The following LRRC8C variants were observed in gnomAD, a reference collection of about 807,000 sequenced individuals.
LRRC8C encodes leucine rich repeat containing 8 VRAC subunit C.
A neutral mutation model predicts 55.3 loss-of-function variants in LRRC8C; 20 were observed. That is an observed-to-expected ratio of 0.36 (90% CI 0.25 to 0.53). The LOEUF (loss-of-function observed/expected upper bound fraction) is 0.53, where lower values mean the gene tolerates loss of function less well. Ranked by LOEUF, LRRC8C falls within the 20% of genes least tolerant of loss-of-function variation. The pLI is 0.92. For missense variants in LRRC8C, 659 were observed against 951.4 expected (o/e 0.69, Z 4.04); for synonymous variants, 376 against 360.7 (o/e 1.04, Z -0.48).
chr1:89,686,621 T>C lies in LRRC8C; in HGVS notation c.138+10T>C, dbSNP rs757389941. Reference sequence around the variant, plus strand: ...TGGATGTACTTTACAGGTAGGTGCCTAGATCCCTGGCAAAATGGGGGCCAG... The same window carrying C: ...TGGATGTACTTTACAGGTAGGTGCCCAGATCCCTGGCAAAATGGGGGCCAG... On this transcript the variant is annotated intron_variant, in intron 2 of 2. Transcript: ENST00000370454. 8.1e-6 allele frequency: 13 copies of C among 1,613,598 alleles called. No individual in the cohort carries two copies. Among genetic ancestry groups the C allele is most frequent in the Non-Finnish European group, 1.0e-5 (12 of 1,179,872 alleles).
At chr1:89,671,079 G>T (rs1006684465) in intron 1 of LRRC8C, among the ~76,000 whole-genome samples, 5 of 151,956 alleles carry the variant, frequency 3.3e-5, no homozygotes, top group Non-Finnish European at 7.4e-5. Flanking sequence ...TTGAGATGGG[G>T]TCTGGCTCTG....
intron 1 of LRRC8C, among the ~76,000 whole-genome samples, chr1:89,676,941 A>G (rs1279498718): frequency 2.0e-5 from 3 of 152,320 alleles, no homozygotes; most frequent in Non-Finnish European, 4.4e-5. Context: ...AAAGTGAATT[A>G]TGCTTGTGAG....
In LRRC8C at chr1:89,678,474, G is replaced by A. The variant is rs544358297; in HGVS notation, c.-4-7996G>A. On this transcript the variant is annotated intron_variant, in intron 1 of 2. Coordinates refer to ENST00000370454, the MANE Select transcript of LRRC8C (RefSeq NM_032270.5). Reference sequence around the variant, plus strand: ...CCAGTACTTTGGGAGGCCAAGGCCGGTGGATCACCTGAGGTCAGGAGTTCA... The same window carrying A: ...CCAGTACTTTGGGAGGCCAAGGCCGATGGATCACCTGAGGTCAGGAGTTCA... Among the ~76,000 whole-genome samples the A allele has an allele frequency of 1.4e-3, 216 of 152,348 alleles. 2 individuals are homozygous for A. The highest frequency in any genetic ancestry group is 6.8e-3 in the Middle Eastern group (2 of 294).
intron 1 of LRRC8C, among the ~76,000 whole-genome samples, chr1:89,677,188 C>T (rs1196767680): frequency 2.0e-5 from 3 of 152,026 alleles, no homozygotes; most frequent in African/African-American, 7.3e-5. Context: ...TTTGCCACAC[C>T]CACCAACACC....
chr1:89,654,619 A>T (rs893806556), intron 1 of LRRC8C, among the ~76,000 whole-genome samples: 6 of 150,164 alleles, frequency 4.0e-5, no homozygotes, highest in African/African-American at 1.5e-4. Context: ...TTTGAAAGTT[A>T]GTTTGGTTGG....
chr1:89,689,114 G>A (rs1657958732), intron 2 of LRRC8C, among the ~76,000 whole-genome samples: 1 of 152,176 alleles, frequency 6.6e-6, no homozygotes, highest in Non-Finnish European at 1.5e-5. Flanking sequence ...CCTTGCTGGT[G>A]ACTCTAATCT....
chr1:89,677,518 G>A (rs1436193663), intron 1 of LRRC8C, among the ~76,000 whole-genome samples: 1 of 152,216 alleles, frequency 6.6e-6, no homozygotes, highest in Non-Finnish European at 1.5e-5. Flanking sequence ...TCTTAGCACA[G>A]TTTAACTTCT....
At chr1:89,668,459 C>G (rs10754287) in intron 1 of LRRC8C, 43,957 of 152,102 alleles carry the variant, frequency 0.29, 6,882 homozygotes, top group East Asian at 0.37. Context: ...AAAGATCATT[C>G]CTCAGACTGG....
In LRRC8C at chr1:89,719,273, C is replaced by G. The variant is rs906756237; in HGVS notation, c.*4291C>G. The G allele has an allele frequency of 5.9e-5, 9 of 152,120 alleles. No homozygotes were observed. The highest frequency in any genetic ancestry group is 6.5e-5 in the Admixed American group (1 of 15,272). The allele number at this position is 152,120 out of a possible 1,614,324, so 9.4% of individuals were successfully genotyped here. A position where few individuals can be genotyped will look rare whatever the true frequency, so the allele number is the denominator to read the frequency against. ...TCTTTCTTCAGAATACCTCTCTCCACCCCCCACCTTATTCTTCCTCTTTAA... is the reference window on the plus strand; with the variant it reads ...TCTTTCTTCAGAATACCTCTCTCCAGCCCCCACCTTATTCTTCCTCTTTAA... On this transcript the variant is annotated 3_prime_UTR_variant, in exon 3 of 3. Transcript: ENST00000370454.
chr1:89,685,014 G>A (rs543808411), intron 1 of LRRC8C, among the ~76,000 whole-genome samples: 37 of 151,914 alleles, frequency 2.4e-4, no homozygotes, highest in African/African-American at 8.0e-4. Flanking sequence ...GCAGCAAGAC[G>A]GAATAGATAA....
the LRRC8C span, among the ~76,000 whole-genome samples, chr1:89,625,698 A>G: frequency 1.3e-5 from 2 of 152,372 alleles, no homozygotes; most frequent in African/African-American, 4.8e-5. Context: ...TAACAAGAGC[A>G]TCTTCAATTT....
At chr1:89,633,610 G>A (rs976734891) in intron 1 of LRRC8C, among the ~76,000 whole-genome samples, 1 of 152,088 alleles carries the variant, frequency 6.6e-6, no homozygotes, top group Non-Finnish European at 1.5e-5. Flanking sequence ...CGCAGCGGCA[G>A]GTCCTGCAGA....
intron 1 of LRRC8C, among the ~76,000 whole-genome samples, chr1:89,638,881 C>G (rs1656371797): frequency 6.6e-6 from 1 of 151,866 alleles, no homozygotes; most frequent in African/African-American, 2.4e-5. Context: ...ATTATTCATT[C>G]TTTTGACTAA....
intron 1 of LRRC8C, among the ~76,000 whole-genome samples, chr1:89,651,292 G>A (rs577899490): frequency 5.4e-4 from 82 of 152,264 alleles, no homozygotes; most frequent in Non-Finnish European, 1.0e-3. Context: ...ACATAGGCCA[G>A]GCATAGTGGC....
intron 1 of LRRC8C, among the ~76,000 whole-genome samples, chr1:89,646,971 A>G (rs556491297): frequency 3.9e-5 from 6 of 152,326 alleles, no homozygotes; most frequent in East Asian, 1.9e-4. Flanking sequence ...CACCATGTCA[A>G]TCAGCCCTTG....
At chr1:89,647,153 T>G (rs1191659120) in intron 1 of LRRC8C, among the ~76,000 whole-genome samples, 2 of 152,200 alleles carry the variant, frequency 1.3e-5, no homozygotes, top group Non-Finnish European at 2.9e-5. Flanking sequence ...ACAAATCAAT[T>G]AAAAGTAATT....
chr1:89,686,075 G>A (rs971428250), intron 1 of LRRC8C, among the ~76,000 whole-genome samples: 1 of 146,712 alleles, frequency 6.8e-6, no homozygotes, highest in Non-Finnish European at 1.5e-5. Context: ...AAAGCTTAAA[G>A]CAATAACCCA....
intron 1 of LRRC8C, among the ~76,000 whole-genome samples, chr1:89,677,935 T>C (rs906110552): frequency 2.4e-4 from 36 of 152,382 alleles, no homozygotes; most frequent in Admixed American, 2.1e-3. Flanking sequence ...TCCTGCTTTT[T>C]ATTTCCATCT....
At chr1:89,654,962 C>G (rs910084482) in intron 1 of LRRC8C, among the ~76,000 whole-genome samples, 21 of 150,052 alleles carry the variant, frequency 1.4e-4, no homozygotes, top group African/African-American at 5.1e-4. Flanking sequence ...CCTTCTTCAG[C>G]CTCTTGAGTA....
Sources: gnomAD v4.1 joint callset for allele counts (sites outside exome capture counted in the v4.1 genomes callset) on GRCh38, gnomAD v4.1.1 for gene constraint, MANE v1.5 for transcripts, NCBI Gene and HGNC (gene_info 2026-07-23, HGNC 2026-07-21) for gene names.